Variants in NKAIN2 observed in about 807,000 individuals in gnomAD.
NKAIN2 encodes the protein sodium/potassium transporting ATPase interacting 2, also known as sodium/potassium-transporting ATPase subunit beta-1-interacting protein 2.
NKAIN2 carries 14 observed loss-of-function variants against 32.6 expected under a neutral mutation model. That is an observed-to-expected ratio of 0.43 (90% CI 0.28 to 0.67). The LOEUF is 0.67. NKAIN2 is among the 30% of genes least tolerant of loss of function. The probability of loss-of-function intolerance (pLI) is 0.17; values close to 1 mark genes in which losing one functional copy is unlikely to be tolerated. For synonymous variants in NKAIN2, 80 were observed against 87.2 expected (o/e 0.92, Z 0.46); for missense variants, 198 against 258.3 (o/e 0.77, Z 1.60).
At chr6:124,426,533 C>T (rs1453552420) in intron 3 of NKAIN2, among the ~76,000 whole-genome samples, 1 of 151,946 alleles carries the variant, frequency 6.6e-6, no homozygotes, top group East Asian at 1.9e-4. Flanking sequence ...AGACCTTTTG[C>T]CAAAGAAGAT....
intron 4 of NKAIN2, among the ~76,000 whole-genome samples, chr6:124,671,640 C>A (rs942062126): frequency 6.6e-6 from 1 of 152,052 alleles, no homozygotes; most frequent in Admixed American, 6.6e-5. Flanking sequence ...TTGCCTTAAT[C>A]CATTTCTTTC....
chr6:124,600,002 C>G (rs1782246426), intron 3 of NKAIN2, among the ~76,000 whole-genome samples: 2 of 152,098 alleles, frequency 1.3e-5, no homozygotes, highest in African/African-American at 4.8e-5. Flanking sequence ...GTTTCCAGAG[C>G]TCCCAAATGG....
chr6:123,845,080 T>C (rs1459616991), intron 1 of NKAIN2, among the ~76,000 whole-genome samples: 1 of 152,214 alleles, frequency 6.6e-6, no homozygotes, highest in African/African-American at 2.4e-5. Context: ...AAGGGGTCAT[T>C]GTAGACTTTT....
intron 3 of NKAIN2, among the ~76,000 whole-genome samples, chr6:124,597,232 A>T (rs1253254379): frequency 6.6e-6 from 1 of 152,188 alleles, no homozygotes; most frequent in Non-Finnish European, 1.5e-5. Flanking sequence ...AATATGAGAC[A>T]TTTAAAAATA....
At chr6:124,221,410 G>A (rs1791811906) in intron 1 of NKAIN2, among the ~76,000 whole-genome samples, 1 of 121,458 alleles carries the variant, frequency 8.2e-6, no homozygotes. Flanking sequence ...CTGTTGTGGG[G>A]TGAGGGGAGG....
At chr6:124,568,040 G>A (rs905708958) in intron 3 of NKAIN2, among the ~76,000 whole-genome samples, 2 of 152,148 alleles carry the variant, frequency 1.3e-5, no homozygotes, top group African/African-American at 4.8e-5. Context: ...AATATAAAAA[G>A]CAGAAGAGAG....
chr6:124,440,396 T>G (rs1775638589), intron 3 of NKAIN2, among the ~76,000 whole-genome samples: 1 of 152,094 alleles, frequency 6.6e-6, no homozygotes, highest in Admixed American at 6.6e-5. Flanking sequence ...TAACTTATAC[T>G]TTCACCATTA....
chr6:124,057,637 C>CT (rs78163886), intron 1 of NKAIN2, among the ~76,000 whole-genome samples: 2,152 of 142,922 alleles, frequency 0.015, 44 homozygotes, highest in African/African-American at 0.05. Context: ...ATGCCCTCCT[C>CT]TTTTTTTTTT....
At chr6:124,566,230 T>G (rs1780903992) in intron 3 of NKAIN2, among the ~76,000 whole-genome samples, 1 of 152,230 alleles carries the variant, frequency 6.6e-6, no homozygotes, top group Admixed American at 6.5e-5. Context: ...TATCTTTCTT[T>G]TAGCTCCACC....
At chr6:124,627,640 A>G (rs192427343) in intron 3 of NKAIN2, among the ~76,000 whole-genome samples, 173 of 152,242 alleles carry the variant, frequency 1.1e-3, no homozygotes, top group Non-Finnish European at 1.9e-3. Flanking sequence ...CTGAATTCTT[A>G]GTCATCCTAG....
At chr6:123,900,698 G>A (rs1482945794) in intron 1 of NKAIN2, among the ~76,000 whole-genome samples, 2 of 151,630 alleles carry the variant, frequency 1.3e-5, no homozygotes, top group Admixed American at 1.3e-4. Context: ...TTGGAGAATA[G>A]TTTCTCTAGA....
intron 1 of NKAIN2, among the ~76,000 whole-genome samples, chr6:124,089,871 A>T (rs1467027204): frequency 6.6e-6 from 1 of 151,972 alleles, no homozygotes; most frequent in South Asian, 2.1e-4. Flanking sequence ...TATACAGTTT[A>T]TGTAAGTTGC....
At chr6:124,644,987 G>C (rs1784118072) in intron 3 of NKAIN2, among the ~76,000 whole-genome samples, 1 of 152,178 alleles carries the variant, frequency 6.6e-6, no homozygotes. Context: ...CAGGAAAATA[G>C]ATGAAAGTAT....
intron 3 of NKAIN2, among the ~76,000 whole-genome samples, chr6:124,483,683 C>T (rs1020527681): frequency 6.6e-6 from 1 of 151,976 alleles, no homozygotes; most frequent in Non-Finnish European, 1.5e-5. Context: ...TTAATAAAAT[C>T]ATCTTTTAAA....
chr6:123,850,034 C>T (rs1298702755), intron 1 of NKAIN2, among the ~76,000 whole-genome samples: 1 of 146,516 alleles, frequency 6.8e-6, no homozygotes, highest in Non-Finnish European at 1.5e-5. Flanking sequence ...TCTCCAACTC[C>T]TGGGCTTAAG....
intron 1 of NKAIN2, among the ~76,000 whole-genome samples, chr6:124,216,380 T>G (rs911256847): frequency 6.6e-6 from 1 of 152,144 alleles, no homozygotes; most frequent in African/African-American, 2.4e-5. Flanking sequence ...AAAACTTATT[T>G]GTTATCCCCC....
At chr6:124,583,917 T>G (rs1296030390) in intron 3 of NKAIN2, among the ~76,000 whole-genome samples, 1 of 152,200 alleles carries the variant, frequency 6.6e-6, no homozygotes, top group Non-Finnish European at 1.5e-5. Context: ...TGATAAATGA[T>G]GCTGGGAAAA....
At chr6:124,813,949 C>T (rs1466188479) in intron 5 of NKAIN2, among the ~76,000 whole-genome samples, 1 of 152,054 alleles carries the variant, frequency 6.6e-6, no homozygotes, top group Non-Finnish European at 1.5e-5. Context: ...TTAGAATATG[C>T]AGTAGTCTCT....
chr6:124,077,162 G>T (rs563774632), intron 1 of NKAIN2, among the ~76,000 whole-genome samples: 3 of 152,254 alleles, frequency 2.0e-5, no homozygotes. Flanking sequence ...ACTGTTTTGT[G>T]CTGTAGCACA....
Sources: allele counts gnomAD v4.1 joint callset (sites outside exome capture counted in the v4.1 genomes callset), GRCh38; gene constraint gnomAD v4.1.1; transcripts MANE v1.5; gene names NCBI Gene and HGNC (gene_info 2026-07-23, HGNC 2026-07-21).